STK39: variants seen among roughly 807,000 people sequenced by gnomAD.
STK39 encodes the protein STE20/SPS1-related proline-alanine-rich protein kinase.
In STK39, 20 loss-of-function variants were observed where a neutral mutation model predicts 77.8. The ratio of observed to expected loss-of-function variants is 0.26; its 90% CI spans 0.18 to 0.37. STK39 has a LOEUF of 0.37. Among genes scored for constraint, STK39 ranks in the 10% least tolerant of loss-of-function variants. STK39 has a pLI of 1.00. For missense variants in STK39, 479 were observed against 656.5 expected (o/e 0.73, Z 2.95); for synonymous variants, 246 against 234.1 (o/e 1.05, Z -0.47).
chr2:168,140,828 G>T, intron 5 of STK39, 70 bp from the exon 6 acceptor site: 1 of 1,265,264 alleles, frequency 7.9e-7, no homozygotes, highest in Non-Finnish European at 1.1e-6. Flanking sequence ...GATTTTTTGA[G>T]CATGTCTCTT....
intron 10 of STK39, among the ~76,000 whole-genome samples, chr2:168,120,004 A>G (rs562865686): frequency 6.6e-6 from 1 of 152,316 alleles, no homozygotes; most frequent in East Asian, 1.9e-4. Context: ...TCAGGCCTGT[A>G]CACAGAAGCA....
chr2:168,113,730 A>C (rs1687180832), intron 10 of STK39, among the ~76,000 whole-genome samples: 1 of 152,188 alleles, frequency 6.6e-6, no homozygotes, highest in South Asian at 2.1e-4. Context: ...CAGAGTCCTG[A>C]ATCCTGTCCC....
intron 10 of STK39, among the ~76,000 whole-genome samples, chr2:168,117,398 T>C (rs1209708311): frequency 1.3e-5 from 2 of 152,194 alleles, no homozygotes; most frequent in Admixed American, 6.5e-5. Flanking sequence ...TAGTTACTAA[T>C]TGACCAAAAT....
At chr2:167,985,841 T>C (rs1332259566) in intron 16 of STK39, among the ~76,000 whole-genome samples, 8 of 152,166 alleles carry the variant, frequency 5.3e-5, no homozygotes, top group East Asian at 1.9e-4. Context: ...ATCCTAAAAG[T>C]TCAATAGCTT....
intron 14 of STK39, among the ~76,000 whole-genome samples, chr2:168,046,592 A>G (rs1685247954): frequency 6.6e-6 from 1 of 152,222 alleles, no homozygotes; most frequent in African/African-American, 2.4e-5. Flanking sequence ...GAAAGGAAGC[A>G]GAGCTGGCCT....
chr2:167,969,418 T>A (rs1692261237), intron 16 of STK39, among the ~76,000 whole-genome samples: 1 of 152,194 alleles, frequency 6.6e-6, no homozygotes, highest in Admixed American at 6.5e-5. Context: ...AGACCCTCCA[T>A]GGTCTGGCCT....
At chr2:168,109,501 C>T (rs888583149) in intron 10 of STK39, among the ~76,000 whole-genome samples, 6 of 152,154 alleles carry the variant, frequency 3.9e-5, no homozygotes, top group Admixed American at 3.3e-4. Context: ...TGAGTTTATA[C>T]ATTGTTGTTT....
In STK39 at chr2:168,247,350, G is replaced by GCCGGGGCCGCCGCCGCCGCCGCTGTCA. The variant is rs775885564; in HGVS notation, c.59_85dup (p.Val20_Pro28dup). On this transcript the variant is annotated inframe_insertion, in exon 1 of 18. Transcript: ENST00000355999. ...CGGGGCCGGCGCTGCTGTCGCGGCC[G>GCCGGGGCCGCCGCCGCCGCCGCTGTCA]CCGGGGCCGCCGCCGCCGCCGCTGT... is the stretch of plus-strand genomic sequence containing the variant. 2.9e-5 allele frequency: 30 copies of GCCGGGGCCGCCGCCGCCGCCGCTGTCA among 1,051,454 alleles called. No homozygotes were observed. In the African/African-American group the frequency reaches 4.4e-4, roughly 16 times the overall value. 65.1% of individuals were successfully genotyped at this position (1,051,454 alleles called of 1,614,324 possible). A position where few individuals can be genotyped will look rare whatever the true frequency, so the allele number is the denominator to read the frequency against.
At chr2:168,177,686 C>A (rs571291107) in intron 2 of STK39, among the ~76,000 whole-genome samples, 1 of 152,182 alleles carries the variant, frequency 6.6e-6, no homozygotes, top group African/African-American at 2.4e-5. Context: ...GTCAAGAGTG[C>A]CCCAGGGTAG....
At chr2:167,979,442 C>A (rs187309406) in intron 16 of STK39, among the ~76,000 whole-genome samples, 13 of 152,092 alleles carry the variant, frequency 8.5e-5, no homozygotes, top group Non-Finnish European at 1.5e-4. Context: ...TCTTTTCATG[C>A]GCATATTTGG....
At chr2:168,161,939 C>G in intron 4 of STK39, 97 bp from the exon 5 acceptor site, 2 of 776,944 alleles carry the variant, frequency 2.6e-6, no homozygotes, top group South Asian at 3.8e-5. Flanking sequence ...TACAACGCAG[C>G]TCTTTGACAT....
intron 10 of STK39, among the ~76,000 whole-genome samples, chr2:168,094,379 T>C (rs1686606872): frequency 6.6e-6 from 1 of 152,196 alleles, no homozygotes; most frequent in African/African-American, 2.4e-5. Flanking sequence ...CACTGAACTT[T>C]TGAATAGACA....
At chr2:168,086,141 G>A (rs1284979982) in intron 10 of STK39, among the ~76,000 whole-genome samples, 1 of 152,154 alleles carries the variant, frequency 6.6e-6, no homozygotes, top group Non-Finnish European at 1.5e-5. Context: ...TCAGGATAAC[G>A]ATGGTGATAA....
chr2:168,167,062 C>T (rs1391907399), intron 3 of STK39, among the ~76,000 whole-genome samples: 1 of 151,990 alleles, frequency 6.6e-6, no homozygotes, highest in African/African-American at 2.4e-5. Context: ...CCTAGAAGGT[C>T]GGGCATTTCA....
At chr2:168,102,771 T>C (rs961317427) in intron 10 of STK39, among the ~76,000 whole-genome samples, 2 of 151,604 alleles carry the variant, frequency 1.3e-5, no homozygotes, top group Non-Finnish European at 2.9e-5. Flanking sequence ...CTACTAAAAA[T>C]ACAAAAAAAA....
intron 1 of STK39, among the ~76,000 whole-genome samples, chr2:168,229,185 T>C (rs1348575180): frequency 1.3e-5 from 2 of 151,970 alleles, no homozygotes; most frequent in African/African-American, 2.4e-5. Flanking sequence ...CTGGCCAAGA[T>C]ATCAGCCTGG....
chr2:168,176,682 G>C (rs1461659464), intron 2 of STK39, among the ~76,000 whole-genome samples: 1 of 152,088 alleles, frequency 6.6e-6, no homozygotes, highest in Non-Finnish European at 1.5e-5. Context: ...AAAATCCCTA[G>C]AGAAAGATGA....
intron 14 of STK39, among the ~76,000 whole-genome samples, chr2:168,040,824 G>A (rs1685084783): frequency 6.6e-6 from 1 of 152,100 alleles, no homozygotes; most frequent in African/African-American, 2.4e-5. Context: ...CCAAAGCTAA[G>A]GGTTCTTTTC....
intron 17 of STK39, among the ~76,000 whole-genome samples, chr2:167,956,563 A>AG (rs1288420590): frequency 9.3e-6 from 1 of 107,014 alleles, no homozygotes; most frequent in Non-Finnish European, 1.8e-5. Flanking sequence ...ACTCCACCTC[A>AG]GAAAAAAAAA....
Sources: gnomAD v4.1 joint callset for allele counts (sites outside exome capture counted in the v4.1 genomes callset) on GRCh38, gnomAD v4.1.1 for gene constraint, MANE v1.5 for transcripts, NCBI Gene and HGNC (gene_info 2026-07-23, HGNC 2026-07-21) for gene names.